Variants in KCNMA1 observed in about 807,000 individuals in gnomAD.
KCNMA1 encodes the protein potassium calcium-activated channel subfamily M alpha 1.
In KCNMA1, 29 loss-of-function variants were observed where a neutral mutation model predicts 140.0. That is an observed-to-expected ratio of 0.21 (90% CI 0.15 to 0.28). The LOEUF (loss-of-function observed/expected upper bound fraction) is 0.28. KCNMA1 is among the 10% of genes least tolerant of loss of function. The probability of loss-of-function intolerance (pLI) is 1.00; values close to 1 mark genes in which losing one functional copy is unlikely to be tolerated. For synonymous variants in KCNMA1, 612 were observed against 611.9 expected (o/e 1.00, Z 0.00); for missense variants, 880 against 1,602.2 (o/e 0.55, Z 7.70).
intron 14 of KCNMA1, among the ~76,000 whole-genome samples, chr10:77,039,883 CT>C (rs34943268): frequency 8.4e-4 from 66 of 78,976 alleles, no homozygotes; most frequent in African/African-American, 2.0e-3. Flanking sequence ...TTTTCTTTTT[CT>C]TTTTTTTTTT....
intron 2 of KCNMA1, among the ~76,000 whole-genome samples, chr10:77,396,121 CA>C (rs2096044715): frequency 6.6e-6 from 1 of 152,142 alleles, no homozygotes; most frequent in Non-Finnish European, 1.5e-5. Context: ...AGTGTTAAAA[CA>C]ATGCCAATAA....
chr10:77,112,491 C>A (rs753805759), intron 6 of KCNMA1, 49 bp from the exon 7 acceptor site: 1 of 1,429,184 alleles, frequency 7.0e-7, no homozygotes, highest in East Asian at 2.3e-5. Flanking sequence ...AGGGAAGGCC[C>A]TGCTGGGGCT....
At chr10:76,959,158 C>G (rs2069790852) in intron 20 of KCNMA1, among the ~76,000 whole-genome samples, 1 of 152,210 alleles carries the variant, frequency 6.6e-6, no homozygotes, top group South Asian at 2.1e-4. Flanking sequence ...GGTAACTTCT[C>G]TCCGTCTTTA....
At position 76,907,282 on chromosome 10, in the gene KCNMA1, A is replaced by G. The variant is rs1266263813; in HGVS notation, c.3147+2684T>C. ...AGAGATGGCTTGTTTAAAAATTTCA[A>G]ATCAATTCACTTTGAATTCTCATTT... On this transcript the variant is annotated intron_variant, in intron 25 of 27. Transcript: ENST00000286628. Among the ~76,000 whole-genome samples, 3 of 152,208 alleles carry G rather than the reference A, an allele frequency of 2.0e-5. No individual in the cohort carries two copies. In the East Asian group the frequency reaches 5.8e-4, roughly 29 times the overall value.
intron 18 of KCNMA1, among the ~76,000 whole-genome samples, chr10:77,002,266 T>G (rs1410679257): frequency 6.6e-6 from 1 of 152,180 alleles, no homozygotes; most frequent in Non-Finnish European, 1.5e-5. Context: ...TACTCAAGAC[T>G]AACGCTGCAG....
At chr10:77,032,820 G>A (rs2094035326) in intron 15 of KCNMA1, among the ~76,000 whole-genome samples, 1 of 151,712 alleles carries the variant, frequency 6.6e-6, no homozygotes, top group African/African-American at 2.4e-5. Context: ...AAGAATTAGA[G>A]TCCAACTGTT....
At chr10:76,896,750 G>A (rs1163203003) in intron 25 of KCNMA1, among the ~76,000 whole-genome samples, 1 of 152,048 alleles carries the variant, frequency 6.6e-6, no homozygotes, top group Non-Finnish European at 1.5e-5. Flanking sequence ...GGGTTGATGG[G>A]TGGAGTTGTA....
At chr10:77,427,644 A>G (rs945935369) in intron 1 of KCNMA1, among the ~76,000 whole-genome samples, 3 of 152,238 alleles carry the variant, frequency 2.0e-5, no homozygotes, top group African/African-American at 4.8e-5. Context: ...GTAACACTCA[A>G]CAAATGTCTG....
chr10:77,292,268 A>G (rs868286989), intron 2 of KCNMA1, among the ~76,000 whole-genome samples: 14 of 152,278 alleles, frequency 9.2e-5, no homozygotes, highest in African/African-American at 3.4e-4. Flanking sequence ...GATCCACTCC[A>G]TTAGAGTTGA....
chr10:76,878,740 G>A (rs1385125292), intron 29 of KCNMA1, among the ~76,000 whole-genome samples: 2 of 152,058 alleles, frequency 1.3e-5, no homozygotes, highest in Non-Finnish European at 2.9e-5. Flanking sequence ...TGGGGGCTGG[G>A]GTGAGAATGA....
chr10:77,039,237 C>G (rs2094513681), intron 15 of KCNMA1: 2 of 493,218 alleles, frequency 4.1e-6, no homozygotes, highest in South Asian at 2.1e-5. Context: ...ATAAATGTGT[C>G]TACATCACAG....
At chr10:77,570,669 A>G (rs1448298627) in intron 1 of KCNMA1, among the ~76,000 whole-genome samples, 4 of 150,612 alleles carry the variant, frequency 2.7e-5, no homozygotes, top group African/African-American at 9.8e-5. Flanking sequence ...GCGCACCAGC[A>G]TGGCACATGT....
chr10:77,391,612 TTTTG>T (rs139101372), intron 2 of KCNMA1, among the ~76,000 whole-genome samples: 76,513 of 149,644 alleles, frequency 0.51, 20,160 homozygotes, highest in African/African-American at 0.64. Flanking sequence ...GAAGTAGGTT[TTTTG>T]TTTGTTTGTT....
chr10:77,186,265 T>C lies in KCNMA1; in HGVS notation c.603-1349A>G, dbSNP rs1161151445. Among the ~76,000 whole-genome samples, 5 of 151,630 alleles carry C rather than the reference T, an allele frequency of 3.3e-5. No individual in the cohort carries two copies. The South Asian group carries it at 8.3e-4, about 25-fold the overall frequency. On this transcript the variant is annotated intron_variant, in intron 3 of 27. Transcript: ENST00000286628. ...AACATGCCCTATATCATCTCCCAAA[T>C]CACGTGGAAAAATCTCCAGACAAGC...
intron 1 of KCNMA1, among the ~76,000 whole-genome samples, chr10:77,449,644 A>ATGTTTTTTTTTTTTTTT (rs1566918534): frequency 8.7e-6 from 1 of 114,786 alleles, no homozygotes. Context: ...TTAATTTTTA[A>ATGTTTTTTTTTTTTTTT]TTTTTTTTTT....
intron 15 of KCNMA1, 33 bp downstream of exon 15, chr10:77,039,495 A>G: frequency 7.8e-7 from 1 of 1,282,836 alleles, no homozygotes; most frequent in Non-Finnish European, 1.1e-6. Context: ...ATATCCCTGA[A>G]AGCCAAAGAG....
chr10:77,131,621 G>C (rs1177355342), intron 5 of KCNMA1, among the ~76,000 whole-genome samples: 1 of 151,916 alleles, frequency 6.6e-6, no homozygotes, highest in Non-Finnish European at 1.5e-5. Context: ...AATAATGACT[G>C]TTTCTTGAGC....
intron 2 of KCNMA1, among the ~76,000 whole-genome samples, chr10:77,324,352 G>A (rs2083248586): frequency 1.3e-5 from 2 of 152,108 alleles, no homozygotes; most frequent in South Asian, 4.1e-4. Context: ...TTGTATCCTA[G>A]TGAGAATTAC....
At chr10:77,272,341 C>T (rs1482509005) in intron 2 of KCNMA1, among the ~76,000 whole-genome samples, 1 of 152,098 alleles carries the variant, frequency 6.6e-6, no homozygotes, top group African/African-American at 2.4e-5. Flanking sequence ...TCCTATTTCC[C>T]CTTGCTTGAT....
Sources: gnomAD v4.1 joint callset for allele counts (sites outside exome capture counted in the v4.1 genomes callset) on GRCh38, gnomAD v4.1.1 for gene constraint, MANE v1.5 for transcripts, NCBI Gene and HGNC (gene_info 2026-07-23, HGNC 2026-07-21) for gene names.